The following GLIS3 variants were observed in gnomAD, a reference collection of about 807,000 sequenced individuals.
The protein encoded by GLIS3 is GLIS family zinc finger 3.
GLIS3 carries 53 observed loss-of-function variants against 78.6 expected under a neutral mutation model. That is an observed-to-expected ratio of 0.67 (90% CI 0.54 to 0.85). The LOEUF (loss-of-function observed/expected upper bound fraction) is 0.85, where lower values mean the gene tolerates loss of function less well. Among genes scored for constraint, GLIS3 ranks in the 40% least tolerant of loss-of-function variants. The probability of loss-of-function intolerance (pLI) is 0.00; values close to 1 mark genes in which losing one functional copy is unlikely to be tolerated. For synonymous variants in GLIS3, 684 were observed against 509.9 expected, an observed-to-expected ratio of 1.34 and a Z score of -4.60; for missense variants, 1,703 against 1,231.1, an observed-to-expected ratio of 1.38 and a Z score of -5.74.
At chr9:4,378,273 T>C in the GLIS3 span, among the ~76,000 whole-genome samples, 1 of 152,188 alleles carries the variant, frequency 6.6e-6, no homozygotes, top group East Asian at 1.9e-4. Context: ...ATAATGCCAG[T>C]TACATTTCAG....
At chr9:3,932,306 C>A in intron 6 of GLIS3, 54 bp downstream of exon 6, 4 of 1,385,282 alleles carry the variant, frequency 2.9e-6, no homozygotes, top group Non-Finnish European at 4.1e-6. Flanking sequence ...TCGTGTACTA[C>A]AAGAATAATC....
intron 2 of GLIS3, among the ~76,000 whole-genome samples, chr9:4,173,603 T>C (rs866312438): frequency 1.3e-4 from 18 of 136,968 alleles, no homozygotes; most frequent in African/African-American, 4.6e-4. Context: ...CACACACACA[T>C]ATATATGTTT....
At chr9:3,994,415 G>C (rs1820581550) in intron 4 of GLIS3, among the ~76,000 whole-genome samples, 1 of 152,066 alleles carries the variant, frequency 6.6e-6, no homozygotes, top group Non-Finnish European at 1.5e-5. Context: ...CCTTGATTTG[G>C]GATTCATTTT....
chr9:4,106,696 C>T (rs1313263101), intron 4 of GLIS3, among the ~76,000 whole-genome samples: 1 of 152,134 alleles, frequency 6.6e-6, no homozygotes, highest in Non-Finnish European at 1.5e-5. Context: ...ACTTTATGAA[C>T]AGATGGGGAA....
At chr9:4,399,778 G>C in the GLIS3 span, among the ~76,000 whole-genome samples, 2 of 152,172 alleles carry the variant, frequency 1.3e-5, no homozygotes, top group Admixed American at 1.3e-4. Flanking sequence ...GATGCTATGA[G>C]CAGCTACAGA....
chr9:3,893,254 A>T (rs376910081), intron 7 of GLIS3, among the ~76,000 whole-genome samples: 3 of 152,174 alleles, frequency 2.0e-5, no homozygotes, highest in Non-Finnish European at 4.4e-5. Context: ...TTTACGGCAA[A>T]ACTTGCACAT....
At chr9:4,241,209 G>A (rs1374923594) in intron 2 of GLIS3, among the ~76,000 whole-genome samples, 1 of 152,104 alleles carries the variant, frequency 6.6e-6, no homozygotes, top group African/African-American at 2.4e-5. Flanking sequence ...AGACGTGAAA[G>A]GAAAGCAAAG....
chr9:4,340,286 C>G (rs1362782729), intron 2 of GLIS3, among the ~76,000 whole-genome samples: 6 of 55,026 alleles, frequency 1.1e-4, no homozygotes, highest in Non-Finnish European at 1.3e-4. Context: ...AATTACAAAT[C>G]AAATGAGAAA....
chr9:3,940,367 G>C (rs999628033), intron 4 of GLIS3, among the ~76,000 whole-genome samples: 1 of 152,112 alleles, frequency 6.6e-6, no homozygotes, highest in Admixed American at 6.5e-5. Context: ...AACATTAAGA[G>C]TGTTTCCTTG....
chr9:3,900,976 C>T (rs1823250507), intron 6 of GLIS3: 1 of 152,192 alleles, frequency 6.6e-6, no homozygotes, highest in South Asian at 2.1e-4. Flanking sequence ...AACTGATTAA[C>T]CGAACTTGCA....
At chr9:4,082,858 T>C (rs528702251) in intron 4 of GLIS3, among the ~76,000 whole-genome samples, 25 of 152,232 alleles carry the variant, frequency 1.6e-4, no homozygotes, top group Non-Finnish European at 2.6e-4. Context: ...AGATGGAGTT[T>C]GTACCATTTC....
At chr9:4,369,279 T>A in the GLIS3 span, among the ~76,000 whole-genome samples, 1 of 152,188 alleles carries the variant, frequency 6.6e-6, no homozygotes, top group South Asian at 2.1e-4. Context: ...AGGGAAGCTT[T>A]CTAACCTAAT....
chr9:4,131,244 T>C (rs1742803), intron 2 of GLIS3, among the ~76,000 whole-genome samples: 3,198 of 152,332 alleles, frequency 0.021, 52 homozygotes, highest in Non-Finnish European at 0.033. Context: ...GATGAATCTT[T>C]AGACTTTGGA....
intron 9 of GLIS3, among the ~76,000 whole-genome samples, chr9:3,842,687 G>T (rs1387456373): frequency 6.6e-6 from 1 of 152,166 alleles, no homozygotes; most frequent in Non-Finnish European, 1.5e-5. Flanking sequence ...ACATTCCTGA[G>T]CTCTACGGCC....
chr9:4,195,846 T>G (rs773097994), intron 2 of GLIS3, among the ~76,000 whole-genome samples: 5 of 152,262 alleles, frequency 3.3e-5, no homozygotes, highest in Non-Finnish European at 7.3e-5. Context: ...ACCAGTGTTC[T>G]GTGTCTAGCT....
At chr9:4,233,381 G>T (rs892587421) in intron 2 of GLIS3, among the ~76,000 whole-genome samples, 1 of 152,226 alleles carries the variant, frequency 6.6e-6, no homozygotes, top group African/African-American at 2.4e-5. Flanking sequence ...GGCTGCAGAA[G>T]GGATGTTGTG....
the GLIS3 span, among the ~76,000 whole-genome samples, chr9:4,476,042 C>T: frequency 1.3e-5 from 2 of 152,070 alleles, no homozygotes; most frequent in Non-Finnish European, 2.9e-5. Flanking sequence ...AGCCAACATG[C>T]CTGGCCTGAT....
At chr9:4,373,291 TA>T in the GLIS3 span, among the ~76,000 whole-genome samples, 84,939 of 152,024 alleles carry the variant, frequency 0.56, 26,307 homozygotes, top group Non-Finnish European at 0.67. Context: ...CCCCTTCACC[TA>T]AATCAGTAGT....
intron 4 of GLIS3, among the ~76,000 whole-genome samples, chr9:4,108,106 G>A (rs941427129): frequency 1.2e-4 from 18 of 152,298 alleles, no homozygotes; most frequent in Admixed American, 9.1e-4. Context: ...AAATTACTTA[G>A]CTCTGAGGGT....
Sources: allele counts gnomAD v4.1 joint callset (sites outside exome capture counted in the v4.1 genomes callset), GRCh38; gene constraint gnomAD v4.1.1; transcripts MANE v1.5; gene names NCBI Gene and HGNC (gene_info 2026-07-23, HGNC 2026-07-21).